Variants in FAT3 observed in about 807,000 individuals in gnomAD.
The protein encoded by FAT3 is protocadherin Fat 3.
A neutral mutation model predicts 310.2 loss-of-function variants in FAT3; 95 were observed. The observed-to-expected ratio is 0.31, with a 90% CI of 0.26 to 0.36. The LOEUF (loss-of-function observed/expected upper bound fraction) is 0.36. Ranked by LOEUF, FAT3 falls within the 10% of genes least tolerant of loss-of-function variation. The probability of loss-of-function intolerance (pLI) is 1.00; values close to 1 mark genes in which losing one functional copy is unlikely to be tolerated. For synonymous variants in FAT3, 2,314 were observed against 2,192.9 expected, an observed-to-expected ratio of 1.06 and a Z score of -1.54; for missense variants, 5,408 against 5,715.6, an observed-to-expected ratio of 0.95 and a Z score of 1.74.
chr11:92,655,680 C>T (rs539503463), intron 3 of FAT3, among the ~76,000 whole-genome samples: 4 of 152,308 alleles, frequency 2.6e-5, no homozygotes, highest in South Asian at 4.1e-4. Flanking sequence ...CCTCTTCTGA[C>T]TCCAACTTCC....
chr11:92,451,106 C>T (rs1423759696), intron 2 of FAT3, among the ~76,000 whole-genome samples: 1 of 152,062 alleles, frequency 6.6e-6, no homozygotes, highest in Non-Finnish European at 1.5e-5. Context: ...GGTGATTTTG[C>T]AAAGTGATTT....
chr11:92,312,645 C>T (rs1947339585), intron 1 of FAT3, among the ~76,000 whole-genome samples: 2 of 152,146 alleles, frequency 1.3e-5, no homozygotes, highest in South Asian at 4.1e-4. Context: ...AAATTGAAAA[C>T]ATTCTCTTTT....
intron 3 of FAT3, among the ~76,000 whole-genome samples, chr11:92,598,230 A>ATATATATATT (rs756896313): frequency 2.2e-5 from 3 of 134,448 alleles, no homozygotes; most frequent in South Asian, 2.3e-4. Context: ...ATATATATAT[A>ATATATATATT]TTTTTTTTTT....
intron 4 of FAT3, among the ~76,000 whole-genome samples, chr11:92,738,984 G>A (rs1945429289): frequency 6.6e-6 from 1 of 152,138 alleles, no homozygotes; most frequent in Admixed American, 6.5e-5. Context: ...AACATGATGA[G>A]TCCCTGTCAC....
intron 3 of FAT3, among the ~76,000 whole-genome samples, chr11:92,608,745 A>AATAATAATAATAATAATACTC (rs1555099223): frequency 6.6e-6 from 1 of 150,706 alleles, no homozygotes; most frequent in African/African-American, 2.4e-5. Flanking sequence ...TAATAATAAT[A>AATAATAATAATAATAATACTC]CTCCTCACAT....
chr11:92,738,344 A>G (rs547665403), intron 4 of FAT3, among the ~76,000 whole-genome samples: 7 of 152,340 alleles, frequency 4.6e-5, no homozygotes, highest in Admixed American at 2.0e-4. Context: ...AACATTTAAA[A>G]TGGTACCAAA....
At chr11:92,387,737 A>G (rs1052882760) in intron 2 of FAT3, among the ~76,000 whole-genome samples, 2 of 152,272 alleles carry the variant, frequency 1.3e-5, no homozygotes, top group Non-Finnish European at 2.9e-5. Context: ...AAGATCCTGT[A>G]TAAGTGGATT....
intron 2 of FAT3, among the ~76,000 whole-genome samples, chr11:92,369,612 G>A (rs80036542): frequency 1.3e-5 from 2 of 152,058 alleles, no homozygotes; most frequent in African/African-American, 4.8e-5. Context: ...CAGATCATGA[G>A]GTCAAGGCAG....
intron 2 of FAT3, among the ~76,000 whole-genome samples, chr11:92,362,824 C>A (rs146235991): frequency 9.9e-4 from 150 of 152,260 alleles, no homozygotes; most frequent in African/African-American, 3.4e-3. Context: ...TATTTTCTAG[C>A]AATCTCTACT....
intron 7 of FAT3, among the ~76,000 whole-genome samples, chr11:92,776,693 C>G (rs970413244): frequency 1.3e-5 from 2 of 152,098 alleles, no homozygotes; most frequent in African/African-American, 4.8e-5. Flanking sequence ...CTTTGAGGCA[C>G]CTTTTGGTAG....
At chr11:92,821,672 A>G (rs1224282505) in intron 13 of FAT3, among the ~76,000 whole-genome samples, 2 of 152,236 alleles carry the variant, frequency 1.3e-5, no homozygotes, top group Non-Finnish European at 2.9e-5. Context: ...AAAAACACGC[A>G]TGTGATGTTA....
chr11:92,226,905 C>T (rs1863936327), intron 1 of FAT3, among the ~76,000 whole-genome samples: 1 of 152,198 alleles, frequency 6.6e-6, no homozygotes, highest in Non-Finnish European at 1.5e-5. Flanking sequence ...TCCCCTCCTC[C>T]CGCTCCTCTC....
intron 2 of FAT3, among the ~76,000 whole-genome samples, chr11:92,451,223 G>C (rs952598552): frequency 2.6e-5 from 4 of 152,114 alleles, no homozygotes; most frequent in Non-Finnish European, 5.9e-5. Context: ...GGTGAAGAAG[G>C]GTTTCTGATT....
intron 2 of FAT3, among the ~76,000 whole-genome samples, chr11:92,463,190 G>A (rs957315957): frequency 6.6e-6 from 1 of 152,186 alleles, no homozygotes; most frequent in Non-Finnish European, 1.5e-5. Flanking sequence ...GTCTAATAAT[G>A]TGTGGTATTG....
At chr11:92,740,331 C>G (rs1241780798) in intron 4 of FAT3, among the ~76,000 whole-genome samples, 2 of 152,156 alleles carry the variant, frequency 1.3e-5, no homozygotes, top group African/African-American at 4.8e-5. Context: ...GGCAGTGTGA[C>G]TCTCCTTTAT....
intron 1 of FAT3, among the ~76,000 whole-genome samples, chr11:92,308,831 T>C (rs1351777482): frequency 6.6e-6 from 1 of 152,112 alleles, no homozygotes; most frequent in African/African-American, 2.4e-5. Flanking sequence ...CCCTCCCAAT[T>C]TGGCTGTCAG....
At chr11:92,886,934 G>T in intron 24 of FAT3, 66 bp from the exon 25 acceptor site, 1 of 1,283,630 alleles carries the variant, frequency 7.8e-7, no homozygotes, top group Non-Finnish European at 1.1e-6. Flanking sequence ...AGAGGGGTGG[G>T]TGGGACTGGA....
chr11:92,227,752 C>CTTT lies in FAT3; in HGVS notation c.-18+2590_-18+2592dup, dbSNP rs151286236. Among the ~76,000 whole-genome samples the CTTT allele has an allele frequency of 1.6e-3, 228 of 140,530 alleles. 1 individual carries two copies. The highest frequency in any genetic ancestry group is 2.5e-3 in the Non-Finnish European group (164 of 65,152). 92.2% of individuals were successfully genotyped at this position (140,530 alleles called of 152,430 possible). A position where few individuals can be genotyped will look rare whatever the true frequency, so the allele number is the denominator to read the frequency against. On this transcript the variant is annotated intron_variant, in intron 1 of 27. Coordinates refer to ENST00000525166, the MANE Select transcript of FAT3 (RefSeq NM_001367949.2). ...GCTTCTGCTTTTTTTCTTTCTTCTT[C>CTTT]TTTTTTTTTTTTTTCTTTATTCCTA...
intron 2 of FAT3, among the ~76,000 whole-genome samples, chr11:92,491,280 C>A (rs919143410): frequency 3.3e-5 from 5 of 151,962 alleles, no homozygotes; most frequent in African/African-American, 1.2e-4. Context: ...TATCTGGAGC[C>A]ATTTATTTGC....
Sources: gnomAD v4.1 joint callset for allele counts (sites outside exome capture counted in the v4.1 genomes callset) on GRCh38, gnomAD v4.1.1 for gene constraint, MANE v1.5 for transcripts, NCBI Gene and HGNC (gene_info 2026-07-23, HGNC 2026-07-21) for gene names.